The following CROCC2 variants were observed in gnomAD, a reference collection of about 807,000 sequenced individuals.
CROCC2 encodes ciliary rootlet coiled-coil protein 2.
CROCC2 carries 163 observed loss-of-function variants against 177.6 expected under a neutral mutation model. The observed-to-expected ratio is 0.92, with a 90% CI of 0.81 to 1.05. CROCC2 has a LOEUF of 1.05. CROCC2 is among the 50% of genes least tolerant of loss of function. CROCC2 has a pLI of 0.00. For synonymous variants in CROCC2, 904 were observed against 787.3 expected (o/e 1.15, Z -2.48); for missense variants, 1,929 against 1,797.8 (o/e 1.07, Z -1.32).
intron 1 of CROCC2, among the ~76,000 whole-genome samples, chr2:240,913,704 G>GCCC (rs1342618288): frequency 2.0e-5 from 3 of 152,260 alleles, no homozygotes; most frequent in African/African-American, 7.2e-5. Context: ...TGATGCCCAG[G>GCCC]CCCAGAGTGT....
In CROCC2 at chr2:240,972,136, C is replaced by A. The variant is rs914361147; in HGVS notation, c.4401+3874C>A. ...CTAGTTTTGTGATTTTTTTCCTTTG[C>A]GTGTCTTTAAAGAAAGGAGTTCTGG... On this transcript the variant is annotated intron_variant, in intron 27 of 31. Transcript: ENST00000690015. The surrounding 1 kb of genome is among the most constrained non-coding windows in gnomAD (Gnocchi z 7.1). Among the ~76,000 whole-genome samples the A allele has an allele frequency of 6.6e-6, 1 of 152,080 alleles. No individual in the cohort carries two copies. Among genetic ancestry groups the A allele is most frequent in the Non-Finnish European group, 1.5e-5 (1 of 68,024 alleles).
chr2:240,943,380 C>T (rs550049118), intron 14 of CROCC2, among the ~76,000 whole-genome samples: 4 of 152,126 alleles, frequency 2.6e-5, no homozygotes, highest in Admixed American at 6.5e-5. Flanking sequence ...CTCTTCTTTT[C>T]GTTCCCCGGC....
Position 240,933,257 on chromosome 2 carries a change from C to T in CROCC2, c.1378C>T (p.Arg460Trp), listed in dbSNP as rs542815405. ...GCAGGAGCGGGCTCGGGAGCAGGCACGGGAACGAGAGGCTCTTCGGGGCCA... is the reference window on the plus strand; with the variant it reads ...GCAGGAGCGGGCTCGGGAGCAGGCATGGGAACGAGAGGCTCTTCGGGGCCA... ...LQQERAREQAREREALRGQLE... is the reference protein window; with the variant it reads ...LQQERAREQAWEREALRGQLE... The change falls in exon 10 of 32, where the codon CGG becomes TGG. Residue 460 changes from arginine to tryptophan, a missense_variant. Physicochemically the swap from Arg to Trp is moderately radical, Grantham distance 101. Coordinates refer to ENST00000690015, the MANE Select transcript of CROCC2 (RefSeq NM_001351305.2). 77 of 1,548,644 alleles carry T rather than the reference C, an allele frequency of 5.0e-5. No homozygotes were observed. The Middle Eastern group carries it at 5.6e-4, about 11-fold the overall frequency.
Position 240,918,230 on chromosome 2 carries a change from A to AC in CROCC2, c.79-490dup, listed in dbSNP as rs1466002942. 1.3e-5 allele frequency among the ~76,000 whole-genome samples: 2 copies of AC among 151,500 alleles called. No individual in the cohort carries two copies. The highest frequency in any genetic ancestry group is 2.9e-5 in the Non-Finnish European group (2 of 67,858). ...GCCCTCTGACCCATCCTCAGCCCCC[A>AC]CCCCCCAACAAACACACACAAACAC... On this transcript the variant is annotated intron_variant, in intron 1 of 31. Coordinates refer to ENST00000690015, the MANE Select transcript of CROCC2 (RefSeq NM_001351305.2). This position sits in a 1 kb window ranked among gnomAD's most constrained non-coding sequence, Gnocchi z 6.3.
At chr2:240,965,160 G>C (rs1280611415) in intron 22 of CROCC2, among the ~76,000 whole-genome samples, 2 of 152,146 alleles carry the variant, frequency 1.3e-5, no homozygotes, top group South Asian at 2.1e-4. Context: ...CTTGTCCCAG[G>C]TCCTCCAAGG....
chr2:240,976,011 A>C (rs1477420555), intron 27 of CROCC2, among the ~76,000 whole-genome samples: 1 of 152,168 alleles, frequency 6.6e-6, no homozygotes, highest in Non-Finnish European at 1.5e-5. Flanking sequence ...GATTACAGGA[A>C]TGAGCCACAG....
intron 2 of CROCC2, among the ~76,000 whole-genome samples, chr2:240,919,607 T>C (rs2059344817): frequency 6.6e-6 from 1 of 152,118 alleles, no homozygotes; most frequent in East Asian, 1.9e-4. Flanking sequence ...AAGCACCTTA[T>C]TACTCGGGGA....
intron 14 of CROCC2, among the ~76,000 whole-genome samples, chr2:240,943,034 C>T (rs1320822280): frequency 6.6e-6 from 1 of 152,038 alleles, no homozygotes; most frequent in Non-Finnish European, 1.5e-5. Context: ...TTTTCTGAGA[C>T]AGGGTCTTTG....
chr2:240,934,650 GGC>G (rs1301308730), intron 12 of CROCC2, among the ~76,000 whole-genome samples, 175 bp downstream of exon 12: 6 of 152,278 alleles, frequency 3.9e-5, no homozygotes, highest in Admixed American at 3.9e-4. Flanking sequence ...GCACCAGCCT[GGC>G]CCAGCTGCTG....
intron 15 of CROCC2, 95 bp downstream of exon 15, chr2:240,946,348 C>T: frequency 8.1e-7 from 1 of 1,237,196 alleles, no homozygotes. Flanking sequence ...CGCACCATGA[C>T]ATAGGACTGG....
rs1456792315 is a variant in CROCC2 at position 240,967,418 on chromosome 2, A to C, written c.4220A>C (p.Gln1407Pro). The part of the protein sequence containing the change: ...SEAECRCARA[Q>P]SRVGQLQKAL... ...GCAGAGTGCAGGTGTGCCCGGGCCC[A>C]GAGCCGCGTGGGGCAGCTGCAGAAA... Residue 1407 changes from glutamine to proline, a missense_variant, in exon 26 of 32, where the codon CAG becomes CCG. Physicochemically the swap from Gln to Pro is moderately conservative, Grantham distance 76. Transcript: ENST00000690015. 1 of 1,177,828 alleles carries C rather than the reference A, an allele frequency of 8.5e-7. No homozygotes were observed. The highest frequency in any genetic ancestry group is 2.6e-5 in the East Asian group (1 of 39,208). 73.0% of individuals were successfully genotyped at this position (1,177,828 alleles called of 1,614,324 possible).
At position 240,964,596 on chromosome 2, in the gene CROCC2, C is replaced by A. The variant is rs1433836200; in HGVS notation, c.3436C>A (p.Arg1146Ser). ...GCTGGAGCAGGCAGGGGGGGACGCC[C>A]GTCAGGAGCTCCGGGAACTCCACAG... ...WELEQAGGDA[R>S]QELRELHRQV... is the part of the protein sequence containing the mutation. The change falls in exon 22 of 32, where the codon CGT (arginine) becomes AGT (serine). Residue 1146 changes from arginine (R) to serine (S), a missense_variant. Around this residue, in one of 3 missense-constraint regions of CROCC2, gnomAD observed 1,397 missense variants for 1,239.9 expected, o/e 1.13. Transcript: ENST00000690015. 10 of 1,549,290 alleles carry A rather than the reference C, an allele frequency of 6.5e-6. No homozygotes were observed. Among genetic ancestry groups the A allele is most frequent in the African/African-American group, 1.4e-5 (1 of 73,008 alleles).
At chr2:240,959,069 G>T (rs550538992) in intron 19 of CROCC2, 2 of 507,378 alleles carry the variant, frequency 3.9e-6, no homozygotes, top group Non-Finnish European at 7.0e-6. Flanking sequence ...GTGTCCGTGG[G>T]CACTCACACA....
In CROCC2 at chr2:240,946,170, T is replaced by C; in HGVS notation, c.2280T>C (p.Ser760=). 1 of 1,548,492 alleles carries C rather than the reference T, an allele frequency of 6.5e-7. No homozygotes were observed. Among genetic ancestry groups the C allele is most frequent in the African/African-American group, 1.4e-5 (1 of 73,142 alleles). ...CCCTGCAAGGAAAGGATGCTCTGTC[T>C]GAGGAGCGGGCCCAGCTGCTGGCCA... ...QQALQGKDAL[S]EERAQLLAKQ... is the part of the protein sequence containing the mutation. Residue 760 remains serine (S), a synonymous_variant, in exon 15 of 32, where the codon TCT becomes TCC. Transcript: ENST00000690015.
Position 240,960,545 on chromosome 2 carries a change from G to A in CROCC2, c.3087+1101G>A, listed in dbSNP as rs757283133. On this transcript the variant is annotated intron_variant, in intron 20 of 31. Transcript: ENST00000690015. The surrounding 1 kb of genome is among the most constrained non-coding windows in gnomAD (Gnocchi z 5.0). ...TGTGGCAAGGGCAGGAGGGCACGCG[G>A]ATCTGGGCTAGAGGAGGGGAGGGTC... Among the ~76,000 whole-genome samples the A allele has an allele frequency of 1.5e-4, 23 of 152,266 alleles. No homozygotes were observed. Among genetic ancestry groups the A allele is most frequent in the Non-Finnish European group, 3.2e-4 (22 of 68,002 alleles).
chr2:240,916,121 G>A (rs949343246), intron 1 of CROCC2, among the ~76,000 whole-genome samples: 1 of 152,092 alleles, frequency 6.6e-6, no homozygotes, highest in South Asian at 2.1e-4. Context: ...GGGCGGTGCC[G>A]ACCCTCAGGA....
In CROCC2 at chr2:240,958,274, G is replaced by A. The variant is rs1354735018; in HGVS notation, c.2944-1027G>A. ...CCTCACAGGGGTATCCTGCAGCCAG[G>A]CCTCAGGGGCACCCATCACTGGCAG... On this transcript the variant is annotated intron_variant, in intron 19 of 31. Transcript: ENST00000690015. The surrounding 1 kb of genome is among the most constrained non-coding windows in gnomAD (Gnocchi z 6.7). 1 of 829,204 alleles carries A rather than the reference G, an allele frequency of 1.2e-6. No individual in the cohort carries two copies. Among genetic ancestry groups the A allele is most frequent in the Non-Finnish European group, 1.5e-6 (1 of 687,324 alleles). 51.4% of individuals were successfully genotyped at this position (829,204 alleles called of 1,614,324 possible). A position where few individuals can be genotyped will look rare whatever the true frequency, so the allele number is the denominator to read the frequency against.
At chr2:240,919,646 G>T (rs891671476) in intron 2 of CROCC2, among the ~76,000 whole-genome samples, 1 of 152,108 alleles carries the variant, frequency 6.6e-6, no homozygotes, top group Non-Finnish European at 1.5e-5. Context: ...AAGCAACAGG[G>T]CTCACAACTT....
intron 27 of CROCC2, among the ~76,000 whole-genome samples, chr2:240,975,706 T>A (rs1001915542): frequency 6.4e-5 from 9 of 141,152 alleles, no homozygotes; most frequent in Admixed American, 2.1e-4. Context: ...GAATCCAGCA[T>A]CCAACCAGCC....
Sources: allele counts gnomAD v4.1 joint callset (sites outside exome capture counted in the v4.1 genomes callset), GRCh38; gene constraint gnomAD v4.1.1; regional missense constraint gnomAD v4.1.1; non-coding constraint Gnocchi (gnomAD v3.1); transcripts MANE v1.5; gene names NCBI Gene and HGNC (gene_info 2026-07-23, HGNC 2026-07-21).